The following CDADC1 variants were observed in gnomAD, a reference collection of about 807,000 sequenced individuals.
CDADC1 encodes the protein cytidine and dCMP deaminase domain containing 1.
A neutral mutation model predicts 54.9 loss-of-function variants in CDADC1; 39 were observed. That is an observed-to-expected ratio of 0.71 (90% CI 0.55 to 0.93). The LOEUF (loss-of-function observed/expected upper bound fraction) is 0.93, where lower values mean the gene tolerates loss of function less well. Among genes scored for constraint, CDADC1 ranks in the 40% least tolerant of loss-of-function variants. The pLI is 0.00. For missense variants in CDADC1, 518 were observed against 618.8 expected (o/e 0.84, Z 1.73); for synonymous variants, 186 against 204.0 (o/e 0.91, Z 0.75).
rs559660895 is a variant in CDADC1 at position 49,271,605 on chromosome 13, C to CT, written c.1001-2671dup. 7.1e-3 allele frequency among the ~76,000 whole-genome samples: 998 copies of CT among 140,900 alleles called. 9 individuals carry two copies. The highest frequency in any genetic ancestry group is 0.02 in the African/African-American group (772 of 38,560). The allele number at this position is 140,900 out of a possible 152,430, so 92.4% of individuals were successfully genotyped here. ...CTTCCATGGAAGCCAGGAGTTGCCT[C>CT]TTTTTTTTTTTTTTTAAATTTTAAA... On this transcript the variant is annotated intron_variant, in intron 5 of 9. Coordinates refer to ENST00000251108, the MANE Select transcript of CDADC1 (RefSeq NM_030911.4).
At chr13:49,255,787 T>A in intron 2 of CDADC1, 52 bp from the exon 3 acceptor site, 3 of 1,588,926 alleles carry the variant, frequency 1.9e-6, no homozygotes, top group Non-Finnish European at 2.6e-6. Context: ...ATTGAATTAG[T>A]CATATGTCTT....
chr13:49,281,440 A>G (rs1953331727), intron 8 of CDADC1, among the ~76,000 whole-genome samples: 1 of 152,076 alleles, frequency 6.6e-6, no homozygotes, highest in Non-Finnish European at 1.5e-5. Flanking sequence ...TGGTTTTGGG[A>G]TGAAACTATT....
At position 49,291,885 on chromosome 13, in the gene CDADC1, T is replaced by C; in HGVS notation, c.*128T>C. ...TGAAAAGATTTTTTAAGGAAGCTAA[T>C]TTATTTCTAGGATACAAATGGTGTT... On this transcript the variant is annotated 3_prime_UTR_variant, in exon 10 of 10. Transcript: ENST00000251108. 1 of 1,441,060 alleles carries C rather than the reference T, an allele frequency of 6.9e-7. No homozygotes were observed. Among genetic ancestry groups the C allele is most frequent in the South Asian group, 1.5e-5 (1 of 66,162 alleles). The allele number at this position is 1,441,060 out of a possible 1,614,324, so 89.3% of individuals were successfully genotyped here. A position where few individuals can be genotyped will look rare whatever the true frequency, so the allele number is the denominator to read the frequency against.
At chr13:49,255,695 C>G in intron 2 of CDADC1, 144 bp from the exon 3 acceptor site, 1 of 947,920 alleles carries the variant, frequency 1.1e-6, no homozygotes, top group Non-Finnish European at 1.6e-6. Context: ...TTGATCCAAA[C>G]AAAGTGGGAA....
intron 9 of CDADC1, among the ~76,000 whole-genome samples, chr13:49,288,995 C>T (rs1231960212): frequency 1.3e-5 from 2 of 151,850 alleles, no homozygotes; most frequent in Admixed American, 1.3e-4. Flanking sequence ...GAGATCAGGT[C>T]TGGGTCTGCT....
chr13:49,273,462 GA>G (rs1953023361), intron 5 of CDADC1, among the ~76,000 whole-genome samples: 1 of 152,164 alleles, frequency 6.6e-6, no homozygotes, highest in African/African-American at 2.4e-5. Flanking sequence ...ACATTGTATA[GA>G]AGGAAAAAGT....
chr13:49,269,293 ATGC>A (rs1952904986), intron 5 of CDADC1, among the ~76,000 whole-genome samples: 2 of 74,650 alleles, frequency 2.7e-5, no homozygotes, highest in Non-Finnish European at 5.7e-5. Flanking sequence ...AAAAGTACAG[ATGC>A]TATACTTTTT....
At chr13:49,287,147 C>T (rs1953536469) in intron 9 of CDADC1, among the ~76,000 whole-genome samples, 2 of 152,138 alleles carry the variant, frequency 1.3e-5, no homozygotes, top group East Asian at 1.9e-4. Flanking sequence ...GCCGAGATAG[C>T]GCCACTGCAC....
chr13:49,280,660 A>T lies in CDADC1; in HGVS notation c.1372A>T (p.Met458Leu). 1.3e-6 allele frequency: 2 copies of T among 1,598,656 alleles called. No individual in the cohort carries two copies. Among genetic ancestry groups the T allele is most frequent in the Middle Eastern group, 1.7e-4 (1 of 6,016 alleles). Residue 458 changes from methionine (M) to leucine (L), a missense_variant, in exon 8 of 10, where the codon ATG becomes TTG. By Grantham distance (15) the Met-to-Leu change is conservative. Coordinates refer to ENST00000251108, the MANE Select transcript of CDADC1 (RefSeq NM_030911.4). ...AAAAAAGAAGGCAGACATCTCTTACATGAGGTTCGGGGAGCTTGAAGGTGT... is the reference window on the plus strand; with the variant it reads ...AAAAAAGAAGGCAGACATCTCTTACTTGAGGTTCGGGGAGCTTGAAGGTGT... ...VGKKKADISY[M>L]RFGELEGVSK... is the part of the protein sequence containing the mutation.
chr13:49,281,528 G>A (rs1953334858), intron 8 of CDADC1, among the ~76,000 whole-genome samples: 1 of 152,134 alleles, frequency 6.6e-6, no homozygotes, highest in South Asian at 2.1e-4. Context: ...TTCACAGTAG[G>A]GTTCTGCTCC....
At position 49,293,112 on chromosome 13, in the gene CDADC1, T is replaced by C. The variant is rs1035097940; in HGVS notation, c.*1355T>C. Reference sequence around the variant, plus strand: ...GTAACTAAGGCTAGTTTGAAAACCGTGAATTAAGATATTCTTATCAGTATA... The same window carrying C: ...GTAACTAAGGCTAGTTTGAAAACCGCGAATTAAGATATTCTTATCAGTATA... On this transcript the variant is annotated 3_prime_UTR_variant, in exon 10 of 10. Transcript: ENST00000251108. The C allele has an allele frequency of 6.4e-5, 10 of 156,268 alleles. No homozygotes were observed. Among genetic ancestry groups the C allele is most frequent in the Admixed American group, 1.9e-4 (3 of 15,692 alleles). The allele number at this position is 156,268 out of a possible 1,614,324, so 9.7% of individuals were successfully genotyped here. A position where few individuals can be genotyped will look rare whatever the true frequency, so the allele number is the denominator to read the frequency against.
intron 9 of CDADC1, among the ~76,000 whole-genome samples, chr13:49,289,160 A>C (rs1357788006): frequency 7.2e-5 from 8 of 111,006 alleles, no homozygotes; most frequent in Non-Finnish European, 1.2e-4. Context: ...ACGGAGTCTC[A>C]CTCTGTCGCC....
Position 49,288,343 on chromosome 13 carries a change from T to C in CDADC1, c.1471+2061T>C, listed in dbSNP as rs760493037. ...GATAGTTTTACTGATATGTAATTCA[T>C]CTATCATAAATTTGCTTCTTTAGTA... On this transcript the variant is annotated intron_variant, in intron 9 of 9. Coordinates refer to ENST00000251108, the MANE Select transcript of CDADC1 (RefSeq NM_030911.4). 1.3e-5 allele frequency among the ~76,000 whole-genome samples: 2 copies of C among 152,234 alleles called. 1 individual carries two copies. Among genetic ancestry groups the C allele is most frequent in the Non-Finnish European group, 2.9e-5 (2 of 68,042 alleles).
At chr13:49,258,070 A>G (rs1467970074) in intron 3 of CDADC1, among the ~76,000 whole-genome samples, 2 of 152,194 alleles carry the variant, frequency 1.3e-5, no homozygotes, top group East Asian at 3.8e-4. Flanking sequence ...CTAGTTTAGG[A>G]GATGGTTGGT....
intron 1 of CDADC1, 136 bp downstream of exon 1, chr13:49,248,255 T>TGCGTGTCCCCTCC: frequency 2.7e-6 from 2 of 744,150 alleles, no homozygotes; most frequent in Non-Finnish European, 4.3e-6. Context: ...GCCCGCCCTC[T>TGCGTGTCCCCTCC]GCGTGTCCCC....
chr13:49,254,578 T>C (rs1952502612), intron 2 of CDADC1, among the ~76,000 whole-genome samples: 1 of 152,016 alleles, frequency 6.6e-6, no homozygotes, highest in Non-Finnish European at 1.5e-5. Context: ...AATTTTTGTA[T>C]TTTTAGTAGA....
At chr13:49,281,377 T>G (rs1221997785) in intron 8 of CDADC1, among the ~76,000 whole-genome samples, 1 of 152,174 alleles carries the variant, frequency 6.6e-6, no homozygotes, top group Non-Finnish European at 1.5e-5. Context: ...CCCCACCCTT[T>G]TCGGCACCAG....
chr13:49,262,073 G>A (rs1952698889), intron 4 of CDADC1, among the ~76,000 whole-genome samples: 1 of 152,196 alleles, frequency 6.6e-6, no homozygotes, highest in South Asian at 2.1e-4. Context: ...GGCAAAGATT[G>A]TTGTAGCACA....
chr13:49,253,127 C>G (rs1243335211), intron 2 of CDADC1, among the ~76,000 whole-genome samples: 3 of 152,084 alleles, frequency 2.0e-5, no homozygotes, highest in Admixed American at 2.0e-4. Context: ...CACAGAAATA[C>G]CAAGATGCAA....
Sources: allele counts gnomAD v4.1 joint callset (sites outside exome capture counted in the v4.1 genomes callset), GRCh38; gene constraint gnomAD v4.1.1; transcripts MANE v1.5; gene names NCBI Gene and HGNC (gene_info 2026-07-23, HGNC 2026-07-21).